ATP12A: variants seen among roughly 807,000 people sequenced by gnomAD.
The protein encoded by ATP12A is potassium-transporting ATPase alpha chain 2.
Under a neutral mutation model 111.2 loss-of-function variants are expected in ATP12A, and 81 were observed. That is an observed-to-expected ratio of 0.73 (90% CI 0.61 to 0.88). ATP12A has a LOEUF of 0.88. Among genes scored for constraint, ATP12A ranks in the 40% least tolerant of loss-of-function variants. The pLI, the probability that ATP12A is intolerant of heterozygous loss-of-function variation, is 0.00. For synonymous variants in ATP12A, 498 were observed against 499.8 expected, an observed-to-expected ratio of 1.00 and a Z score of 0.05; for missense variants, 1,196 against 1,313.1, an observed-to-expected ratio of 0.91 and a Z score of 1.38.
intron 11 of ATP12A, among the ~76,000 whole-genome samples, chr13:24,695,529 G>A (rs924465403): frequency 3.3e-5 from 5 of 151,084 alleles, no homozygotes; most frequent in Non-Finnish European, 5.9e-5. Flanking sequence ...AACCACAACT[G>A]TACGTGTGGA....
intron 7 of ATP12A, 82 bp from the exon 8 acceptor site, chr13:24,690,899 CA>C: frequency 6.4e-7 from 1 of 1,564,632 alleles, no homozygotes; most frequent in Non-Finnish European, 8.7e-7. Flanking sequence ...TCGATTGTGC[CA>C]GCCCCCAGAG....
intron 8 of ATP12A, 65 bp downstream of exon 8, chr13:24,691,315 C>A: frequency 6.6e-7 from 1 of 1,520,722 alleles, no homozygotes. Context: ...GCTGGGGAGG[C>A]GCCCACACAA....
chr13:24,701,501 CAAAAAAAAAA>C (rs10586421), intron 13 of ATP12A, among the ~76,000 whole-genome samples: 3 of 101,398 alleles, frequency 3.0e-5, no homozygotes, highest in African/African-American at 7.4e-5. Context: ...AACTCTGTCT[CAAAAAAAAAA>C]AAAAAAAAAG....
Position 24,692,472 on chromosome 13 carries a change from G to GC in ATP12A, c.1114dup (p.Leu372ProfsTer45). The GC allele has an allele frequency of 4.3e-6, 7 of 1,614,142 alleles. No individual in the cohort carries two copies. The highest frequency in any genetic ancestry group is 5.1e-6 in the Non-Finnish European group (6 of 1,180,030). On this transcript the variant is annotated frameshift_variant, in exon 9 of 23. Transcript: ENST00000381946. LOFTEE classifies it high-confidence loss of function. ...GCAAAACGGATGGCCAAGAAGAACTGCCTGGTGAAGAACCTGGAGGCTGTG... is the reference window on the plus strand; with the variant it reads ...GCAAAACGGATGGCCAAGAAGAACTGCCCTGGTGAAGAACCTGGAGGCTGTG...
At chr13:24,711,199 G>T in intron 21 of ATP12A, 119 bp from the exon 22 acceptor site, 1 of 968,652 alleles carries the variant, frequency 1.0e-6, no homozygotes, top group Non-Finnish European at 1.5e-6. Flanking sequence ...GGACCTCGTG[G>T]ATTTGTCGTT....
At position 24,688,456 on chromosome 13, in the gene ATP12A, C is replaced by T. The variant is rs150504279; in HGVS notation, c.366C>T (p.Gly122=). 1.5e-5 allele frequency: 25 copies of T among 1,613,794 alleles called. No individual in the cohort carries two copies. The highest frequency in any genetic ancestry group is 5.3e-5 in the African/African-American group (4 of 74,998). The change falls in exon 4 of 23, where the codon GGC becomes GGT. Residue 122 remains glycine (G), a synonymous_variant. Transcript: ENST00000381946. The part of the protein sequence containing the change: ...VGGFSILLWV[G]AFLCWIAYGI... ...GGTTCTCTATCCTCCTGTGGGTGGG[C>T]GCCTTTCTCTGTTGGATTGCATATG...
chr13:24,694,441 C>T lies in ATP12A; in HGVS notation c.1378-3C>T, dbSNP rs1593136636. ...GCAAATATTTTTCTTCTTTGATTCC[C>T]AGAAAGCTGTGATTGGAGATGCCTC... On this transcript the variant is annotated splice_polypyrimidine_tract_variant and splice_region_variant and intron_variant, in intron 10 of 22. Transcript: ENST00000381946. 10 of 1,612,184 alleles carry T rather than the reference C, an allele frequency of 6.2e-6. No individual in the cohort carries two copies. The East Asian group carries it at 2.2e-4, about 36-fold the overall frequency.
chr13:24,694,298 C>A, intron 10 of ATP12A, 146 bp from the exon 11 acceptor site: 1 of 1,019,812 alleles, frequency 9.8e-7, no homozygotes, highest in South Asian at 1.6e-5. Flanking sequence ...ACGCTTACCA[C>A]GGTCTTGCGG....
chr13:24,689,485 T>A lies in ATP12A; in HGVS notation c.546+110T>A. 5.6e-6 allele frequency: 5 copies of A among 896,088 alleles called. 1 individual carries two copies. The highest frequency in any genetic ancestry group is 8.8e-6 in the Non-Finnish European group (5 of 570,386). The allele number at this position is 896,088 out of a possible 1,614,324, so 55.5% of individuals were successfully genotyped here. ...CTACGGGTTTCCACTTCCTTCCCTG[T>A]CGGAGCAATCGTGGGCGAATTAACC... On this transcript the variant is annotated intron_variant, in intron 5 of 22. Transcript: ENST00000381946.
Position 24,681,397 on chromosome 13 carries a change from G to C in ATP12A, c.10-165G>C, listed in dbSNP as rs557321114. ...GAGGAAGCCAAGGTCGGCGGGAGGT[G>C]GGGGAGAGACTCCACTGTCCGACTC... On this transcript the variant is annotated intron_variant, in intron 1 of 22. Coordinates refer to ENST00000381946, the MANE Select transcript of ATP12A (RefSeq NM_001676.7). Among the ~76,000 whole-genome samples the C allele has an allele frequency of 5.3e-5, 8 of 152,234 alleles. No homozygotes were observed. The East Asian group carries it at 9.7e-4, about 19-fold the overall frequency.
chr13:24,690,542 A>G lies in ATP12A; in HGVS notation c.682-62A>G, dbSNP rs1047697873. On this transcript the variant is annotated intron_variant, in intron 6 of 22. Coordinates refer to ENST00000381946, the MANE Select transcript of ATP12A (RefSeq NM_001676.7). The stretch of plus-strand genomic sequence containing the variant: ...TGCTGGCTCTGGGGTCTTTCCCAGC[A>G]TCAGTATAAGAGGCAGGGAATGAGG... The G allele has an allele frequency of 2.1e-5, 34 of 1,603,750 alleles. No individual in the cohort carries two copies. In the African/African-American group the frequency reaches 4.4e-4, roughly 21 times the overall value.
rs940712729 is a variant in ATP12A, at chr13:24,692,365, C to G, written c.1069-64C>G. The G allele has an allele frequency of 1.6e-5, 24 of 1,519,394 alleles. No individual in the cohort carries two copies. The African/African-American group carries it at 3.3e-4, about 21-fold the overall frequency. 94.1% of individuals were successfully genotyped at this position (1,519,394 alleles called of 1,614,324 possible). ...CAATCACAGCTCACATTGGCTATTT[C>G]TGTATTATTGGACCTGAGTTCAAAT... On this transcript the variant is annotated intron_variant, in intron 8 of 22. Coordinates refer to ENST00000381946, the MANE Select transcript of ATP12A (RefSeq NM_001676.7).
In ATP12A at chr13:24,694,498, A is replaced by G. The variant is rs757395223; in HGVS notation, c.1432A>G (p.Ile478Val). The change falls in exon 11 of 23, where the codon ATT becomes GTT. Residue 478 changes from isoleucine (I) to valine (V), a missense_variant. By Grantham distance (29) the Ile-to-Val change is conservative. Transcript: ENST00000381946. Reference protein sequence around the residue: ...ETALLKFSEVILGDVMEIRKR... With the variant: ...ETALLKFSEVVLGDVMEIRKR... Reference sequence around the variant, plus strand: ...TGCTCTTTTAAAATTCTCAGAGGTCATTTTGGGTGATGTGATGGAAATTAG... The same window carrying G: ...TGCTCTTTTAAAATTCTCAGAGGTCGTTTTGGGTGATGTGATGGAAATTAG... 3.7e-6 allele frequency: 6 copies of G among 1,614,038 alleles called. No individual in the cohort carries two copies. The South Asian group carries it at 6.6e-5, about 18-fold the overall frequency.
At chr13:24,690,007 G>A (rs998696452) in intron 5 of ATP12A, among the ~76,000 whole-genome samples, 1 of 152,152 alleles carries the variant, frequency 6.6e-6, no homozygotes, top group African/African-American at 2.4e-5. Flanking sequence ...TTTCTAGGAG[G>A]CCCAGGGCTC....
chr13:24,706,483 C>G lies in ATP12A; in HGVS notation c.2169+20C>G. On this transcript the variant is annotated intron_variant, in intron 15 of 22. Transcript: ENST00000381946. Reference sequence around the variant, plus strand: ...AGGCAGGTGGGTGGACAGCAGTGTCCAGAGGACTGACAGGCCCATCACTGT... The same window carrying G: ...AGGCAGGTGGGTGGACAGCAGTGTCGAGAGGACTGACAGGCCCATCACTGT... 4.3e-6 allele frequency: 7 copies of G among 1,610,780 alleles called. No individual in the cohort carries two copies. The highest frequency in any genetic ancestry group is 5.9e-6 in the Non-Finnish European group (7 of 1,178,286).
Position 24,690,336 on chromosome 13 carries a change from A to C in ATP12A, c.547-2A>C. 6.2e-7 allele frequency: 1 copy of C among 1,613,020 alleles called. No homozygotes were observed. Among genetic ancestry groups the C allele is most frequent in the Non-Finnish European group, 8.5e-7 (1 of 1,179,774 alleles). ...GGCATCTGTCATGGTTTTTTTCTGC[A>C]GCAAGCTCTCGTCATCCGAGATTCC... On this transcript the variant is annotated splice_acceptor_variant, in intron 5 of 22. Coordinates refer to ENST00000381946, the MANE Select transcript of ATP12A (RefSeq NM_001676.7). LOFTEE classifies it high-confidence loss of function.
chr13:24,687,539 A>T (rs1874715555), intron 3 of ATP12A, among the ~76,000 whole-genome samples: 1 of 152,160 alleles, frequency 6.6e-6, no homozygotes, highest in Non-Finnish European at 1.5e-5. Context: ...GTATCTACAG[A>T]CTTGTCCACC....
chr13:24,684,673 T>G (rs12868533), intron 2 of ATP12A, among the ~76,000 whole-genome samples: 7,364 of 152,322 alleles, frequency 0.048, 248 homozygotes, highest in South Asian at 0.14. Flanking sequence ...AGAATTATTC[T>G]CCCAGAATGG....
At position 24,685,495 on chromosome 13, in the gene ATP12A, C is replaced by T. The variant is rs1043852753; in HGVS notation, c.228+122C>T. ...CCTTTAGGAGGAGGGGCCCCTGCAG[C>T]GCCTTTGAGACTGCAGTTATTTGCA... On this transcript the variant is annotated intron_variant, in intron 3 of 22. Transcript: ENST00000381946. This position sits in a 1 kb window ranked among gnomAD's most constrained non-coding sequence, Gnocchi z 5.5. 62 of 931,170 alleles carry T rather than the reference C, an allele frequency of 6.7e-5. No homozygotes were observed. The Middle Eastern group carries it at 1.3e-3, about 20-fold the overall frequency. 57.7% of individuals were successfully genotyped at this position (931,170 alleles called of 1,614,324 possible).
Sources: gnomAD v4.1 joint callset for allele counts (sites outside exome capture counted in the v4.1 genomes callset) on GRCh38, gnomAD v4.1.1 for gene constraint, Gnocchi (gnomAD v3.1) non-coding constraint, MANE v1.5 for transcripts, NCBI Gene and HGNC (gene_info 2026-07-23, HGNC 2026-07-21) for gene names.